The following ZNF530 variants were observed in gnomAD, a reference collection of about 807,000 sequenced individuals.
The protein encoded by ZNF530 is zinc finger protein 530.
ZNF530 carries 5 observed loss-of-function variants against 2.8 expected under a neutral mutation model. The ratio of observed to expected loss-of-function variants is 1.80; its 90% CI spans 0.94 to 3.78. The LOEUF is 3.78. Among genes scored for constraint, ZNF530 ranks in the 30% most tolerant of loss-of-function variants. The pLI, the probability that ZNF530 is intolerant of heterozygous loss-of-function variation, is 0.00. For synonymous variants in ZNF530, 229 were observed against 235.0 expected (o/e 0.97, Z 0.23); for missense variants, 619 against 673.3 (o/e 0.92, Z 0.89).
At chr19:57,604,510 A>G (rs1186674812) in intron 3 of ZNF530, 104 bp downstream of exon 3, 1 of 1,457,170 alleles carries the variant, frequency 6.9e-7, no homozygotes, top group Non-Finnish European at 9.2e-7. Context: ...AGCTCTACAG[A>G]CCTTCCCACT....
In ZNF530 at chr19:57,600,087, C is replaced by G; in HGVS notation, c.-169C>G. 2 of 1,549,186 alleles carry G rather than the reference C, an allele frequency of 1.3e-6. No homozygotes were observed. The highest frequency in any genetic ancestry group is 1.7e-6 in the Non-Finnish European group (2 of 1,144,038). ...CCCGGATCGTCCACCGCTCCCGGCCCGCTCCGCCCAGAGTCCGATGGCGGC... is the reference window on the plus strand; with the variant it reads ...CCCGGATCGTCCACCGCTCCCGGCCGGCTCCGCCCAGAGTCCGATGGCGGC... On this transcript the variant is annotated 5_prime_UTR_variant, in exon 1 of 4. Coordinates refer to ENST00000597700, the MANE Select transcript of ZNF530 (RefSeq NM_001321981.2).
chr19:57,600,237 G>A, intron 1 of ZNF530, 103 bp downstream of exon 1: 1 of 1,317,592 alleles, frequency 7.6e-7, no homozygotes, highest in Non-Finnish European at 1.0e-6. Context: ...GGCACAGTGA[G>A]GCGCTGGTGC....
chr19:57,611,176 C>A (rs753918129), downstream of ZNF530, among the ~76,000 whole-genome samples: 5 of 152,164 alleles, frequency 3.3e-5, no homozygotes, highest in South Asian at 2.1e-4. Context: ...TTGGTCCTTG[C>A]CTCCTCAGAA....
At position 57,606,116 on chromosome 19, in the gene ZNF530, C is replaced by A. The variant is rs1320424641; in HGVS notation, c.492C>A (p.Ser164Arg). The A allele has an allele frequency of 1.2e-6, 2 of 1,614,202 alleles. No individual in the cohort carries two copies. The highest frequency in any genetic ancestry group is 3.3e-5 in the Admixed American group (2 of 60,028). ...QVTPTIERPH[S>R]RIRHLRVPTG... ...CTCCCACCATTGAGAGACCACACAG[C>A]AGGATTAGACACTTGAGAGTTCCCA... The change falls in exon 4 of 4, where the codon AGC becomes AGA. Residue 164 changes from serine (S) to arginine (R), a missense_variant. Ser to Arg is a moderately radical substitution (Grantham distance 110, BLOSUM62 -1). Coordinates refer to ENST00000597700, the MANE Select transcript of ZNF530 (RefSeq NM_001321981.2).
In ZNF530 at chr19:57,608,645, T is replaced by C. The variant is rs1030880635; in HGVS notation, c.*1320T>C. 1 of 152,198 alleles carries C rather than the reference T, an allele frequency of 6.6e-6. No homozygotes were observed. Among genetic ancestry groups the C allele is most frequent in the African/African-American group, 2.4e-5 (1 of 41,454 alleles). 9.4% of individuals were successfully genotyped at this position (152,198 alleles called of 1,614,324 possible). A position where few individuals can be genotyped will look rare whatever the true frequency, so the allele number is the denominator to read the frequency against. ...CCTTAATGAGGTCCTGTGAAGGAGCTGTGTCCCTTGAAACACAGAATTCAG... is the reference window on the plus strand; with the variant it reads ...CCTTAATGAGGTCCTGTGAAGGAGCCGTGTCCCTTGAAACACAGAATTCAG... On this transcript the variant is annotated 3_prime_UTR_variant, in exon 4 of 4. Transcript: ENST00000597700.
chr19:57,612,408 C>T, downstream of ZNF530: 1 of 399,162 alleles, frequency 2.5e-6, no homozygotes, highest in East Asian at 3.6e-5. Flanking sequence ...TTGAATATTT[C>T]TTAGAACTAT....
At position 57,600,153 on chromosome 19, in the gene ZNF530, C is replaced by G. The variant is rs749933984; in HGVS notation, c.-122+19C>G. ...GACCCAGGTGAGCGCTGCGTCCTCCCGGCCTCCTCTGCCCTCCCCACCCGA... is the reference window on the plus strand; with the variant it reads ...GACCCAGGTGAGCGCTGCGTCCTCCGGGCCTCCTCTGCCCTCCCCACCCGA... On this transcript the variant is annotated intron_variant, in intron 1 of 3. Coordinates refer to ENST00000597700, the MANE Select transcript of ZNF530 (RefSeq NM_001321981.2). The G allele has an allele frequency of 4.5e-6, 7 of 1,565,466 alleles. No homozygotes were observed. The highest frequency in any genetic ancestry group is 6.1e-6 in the Non-Finnish European group (7 of 1,154,004).
rs1017808481 is a variant in ZNF530, at chr19:57,607,697, G to A, written c.*372G>A. On this transcript the variant is annotated 3_prime_UTR_variant, in exon 4 of 4. Transcript: ENST00000597700. ...CCCAAAGAAGAAAGGCCTTATATATGCTGTGAATGTGTTTTTGCTTGTTAG... is the reference window on the plus strand; with the variant it reads ...CCCAAAGAAGAAAGGCCTTATATATACTGTGAATGTGTTTTTGCTTGTTAG... The A allele has an allele frequency of 9.9e-6, 2 of 202,800 alleles. No homozygotes were observed. Among genetic ancestry groups the A allele is most frequent in the African/African-American group, 4.7e-5 (2 of 42,664 alleles). 12.6% of individuals were successfully genotyped at this position (202,800 alleles called of 1,614,324 possible).
In ZNF530 at chr19:57,608,745, A is replaced by C. The variant is rs945144712; in HGVS notation, c.*1420A>C. 2 of 152,208 alleles carry C rather than the reference A, an allele frequency of 1.3e-5. No individual in the cohort carries two copies. The highest frequency in any genetic ancestry group is 2.9e-5 in the Non-Finnish European group (2 of 68,062). The allele number at this position is 152,208 out of a possible 1,614,324, so 9.4% of individuals were successfully genotyped here. Reference sequence around the variant, plus strand: ...TTGGTAAAGAAACGCTGGGTTGAATAATAGGGAATGGAGGAGACTGCAGCA... The same window carrying C: ...TTGGTAAAGAAACGCTGGGTTGAATCATAGGGAATGGAGGAGACTGCAGCA... On this transcript the variant is annotated 3_prime_UTR_variant, in exon 4 of 4. Transcript: ENST00000597700.
intron 2 of ZNF530, among the ~76,000 whole-genome samples, chr19:57,602,725 C>T (rs546289479): frequency 6.6e-6 from 1 of 152,264 alleles, no homozygotes; most frequent in Admixed American, 6.5e-5. Flanking sequence ...CTGATAAAGA[C>T]ATACCTGAGA....
In ZNF530 at chr19:57,606,317, A is replaced by C. The variant is rs776453015; in HGVS notation, c.693A>C (p.Thr231=). Reference sequence around the variant, plus strand: ...GACACAGGAAAGCACACGGTAGAACAAGGACTCATGAATGTAGTGAATGTG... The same window carrying C: ...GACACAGGAAAGCACACGGTAGAACCAGGACTCATGAATGTAGTGAATGTG... ...FLRHRKAHGR[T]RTHECSECGK... Residue 231 remains threonine, a synonymous_variant, in exon 4 of 4, where the codon ACA becomes ACC. Transcript: ENST00000597700. 1 of 1,614,208 alleles carries C rather than the reference A, an allele frequency of 6.2e-7. No homozygotes were observed. Among genetic ancestry groups the C allele is most frequent in the South Asian group, 1.1e-5 (1 of 91,084 alleles).
chr19:57,603,090 C>T (rs1460592453), intron 2 of ZNF530, among the ~76,000 whole-genome samples: 1 of 152,192 alleles, frequency 6.6e-6, no homozygotes, highest in Non-Finnish European at 1.5e-5. Context: ...GGGGTTTCAC[C>T]ACATTGGCCA....
chr19:57,610,906 T>A (rs2123470656), downstream of ZNF530, among the ~76,000 whole-genome samples: 1 of 152,284 alleles, frequency 6.6e-6, no homozygotes, highest in Non-Finnish European at 1.5e-5. Flanking sequence ...TCAACCACCC[T>A]CTCATTAAGG....
rs1026778909 is a variant in ZNF530, at chr19:57,605,848, A to C, written c.224A>C (p.Glu75Ala). Residue 75 changes from glutamate (E) to alanine (A), a missense_variant, in exon 4 of 4, where the codon GAG (glutamate) becomes GCG (alanine). Transcript: ENST00000597700. ...PVLRDILQMI[E>A]LHASPCGQKL... The stretch of plus-strand genomic sequence containing the variant: ...CTGAGAGACATTTTACAAATGATTG[A>C]GCTCCATGCCTCACCCTGTGGACAG... The C allele has an allele frequency of 6.2e-6, 10 of 1,614,076 alleles. No homozygotes were observed. In the African/African-American group the frequency reaches 1.3e-4, roughly 22 times the overall value.
intron 2 of ZNF530, among the ~76,000 whole-genome samples, 189 bp from the exon 3 acceptor site, chr19:57,604,088 G>T (rs921500657): frequency 6.6e-6 from 1 of 152,180 alleles, no homozygotes; most frequent in Non-Finnish European, 1.5e-5. Flanking sequence ...CCACCTGCCT[G>T]TTGTTGCTGT....
chr19:57,604,253 T>G (rs774190903), intron 2 of ZNF530, 24 bp from the exon 3 acceptor site: 58 of 1,613,522 alleles, frequency 3.6e-5, no homozygotes, highest in Non-Finnish European at 4.7e-5. Context: ...ATGCTGACCA[T>G]GGAATGAACT....
downstream of ZNF530, among the ~76,000 whole-genome samples, chr19:57,611,225 C>T (rs537115370): frequency 3.3e-5 from 5 of 152,232 alleles, no homozygotes; most frequent in South Asian, 8.3e-4. Context: ...GCTTAAGGCA[C>T]AGGAAGAGAC....
Position 57,600,612 on chromosome 19 carries a change from C to A in ZNF530, c.-121-116C>A, listed in dbSNP as rs145348296. The A allele has an allele frequency of 4.1e-3, 640 of 157,554 alleles. 1 individual carries two copies. Among genetic ancestry groups the A allele is most frequent in the Non-Finnish European group, 7.2e-3 (513 of 71,744 alleles). The allele number at this position is 157,554 out of a possible 1,614,324, so 9.8% of individuals were successfully genotyped here. ...TAAAAGTCAGCACCAAGGACTGACA[C>A]CCAGATACAAAGCAGTCATCCCTGG... On this transcript the variant is annotated intron_variant, in intron 1 of 3. Transcript: ENST00000597700.
chr19:57,605,973 G>A lies in ZNF530; in HGVS notation c.349G>A (p.Gly117Arg). 1.9e-6 allele frequency: 3 copies of A among 1,614,146 alleles called. No homozygotes were observed. The highest frequency in any genetic ancestry group is 1.7e-6 in the Non-Finnish European group (2 of 1,180,026). ...TGGAGAGAAGCTCTTTAAAGTGGATGGGGACCAGGCCTCATTTATGATGAA... is the reference window on the plus strand; with the variant it reads ...TGGAGAGAAGCTCTTTAAAGTGGATAGGGACCAGGCCTCATTTATGATGAA... ...DNGEKLFKVD[G>R]DQASFMMNCR... Residue 117 changes from glycine to arginine, a missense_variant, in exon 4 of 4, where the codon GGG (glycine) becomes AGG (arginine). Transcript: ENST00000597700.
Sources: gnomAD v4.1 joint callset for allele counts (sites outside exome capture counted in the v4.1 genomes callset) on GRCh38, gnomAD v4.1.1 for gene constraint, MANE v1.5 for transcripts, NCBI Gene and HGNC (gene_info 2026-07-23, HGNC 2026-07-21) for gene names.